PSTPIP2: variants seen among roughly 807,000 people sequenced by gnomAD.
PSTPIP2 encodes proline-serine-threonine phosphatase-interacting protein 2.
PSTPIP2 carries 33 observed loss-of-function variants against 63.3 expected under a neutral mutation model. That is an observed-to-expected ratio of 0.52 (90% CI 0.40 to 0.70). The LOEUF is 0.70. PSTPIP2 is among the 30% of genes least tolerant of loss of function. The pLI, the probability that PSTPIP2 is intolerant of heterozygous loss-of-function variation, is 0.00. For missense variants in PSTPIP2, 312 were observed against 400.7 expected (o/e 0.78, Z 1.89); for synonymous variants, 125 against 132.7 (o/e 0.94, Z 0.40).
At chr18:46,069,842 A>G (rs1222236125) in intron 1 of PSTPIP2, among the ~76,000 whole-genome samples, 1 of 152,032 alleles carries the variant, frequency 6.6e-6, no homozygotes, top group African/African-American at 2.4e-5. Context: ...CTCCTCCATC[A>G]ATAGAGGCAT....
chr18:46,063,578 G>A (rs1193484872), intron 1 of PSTPIP2, among the ~76,000 whole-genome samples: 1 of 151,742 alleles, frequency 6.6e-6, no homozygotes, highest in Non-Finnish European at 1.5e-5. Context: ...GCCTCTCACT[G>A]TGTCATGCCT....
intron 6 of PSTPIP2, among the ~76,000 whole-genome samples, chr18:46,003,349 T>C (rs956321860): frequency 6.6e-6 from 1 of 152,194 alleles, no homozygotes; most frequent in African/African-American, 2.4e-5. Flanking sequence ...CTATTTGTTC[T>C]CTGTTGCCAC....
intron 5 of PSTPIP2, among the ~76,000 whole-genome samples, chr18:46,007,278 A>C (rs1045451279): frequency 7.9e-5 from 12 of 152,264 alleles, no homozygotes; most frequent in Non-Finnish European, 1.0e-4. Flanking sequence ...TGTGGAGTAC[A>C]TGAAATTCCC....
At position 46,005,414 on chromosome 18, in the gene PSTPIP2, A is replaced by G; in HGVS notation, c.417+55T>C. 2.1e-6 allele frequency: 3 copies of G among 1,397,678 alleles called. No homozygotes were observed. The South Asian group carries it at 3.6e-5, about 17-fold the overall frequency. 86.6% of individuals were successfully genotyped at this position (1,397,678 alleles called of 1,614,324 possible). ...GTAGGAATATGTTCATACACAGCAC[A>G]GGATTTCAGAAAATGTCACCATTAT... is the stretch of plus-strand genomic sequence containing the variant. On this transcript the variant is annotated intron_variant, in intron 6 of 14. Coordinates refer to ENST00000409746, the MANE Select transcript of PSTPIP2 (RefSeq NM_024430.4).
At chr18:46,040,998 T>G (rs549842013) in intron 1 of PSTPIP2, 157 of 457,710 alleles carry the variant, frequency 3.4e-4, no homozygotes, top group South Asian at 2.2e-3. Flanking sequence ...TGTAACCTGG[T>G]GCTATAAAAT....
intron 9 of PSTPIP2, among the ~76,000 whole-genome samples, chr18:45,996,647 C>T (rs1255114184): frequency 6.6e-6 from 1 of 151,862 alleles, no homozygotes. Context: ...AGAAAACCCT[C>T]CAGCCAGGCA....
intron 14 of PSTPIP2, among the ~76,000 whole-genome samples, chr18:45,986,409 G>A (rs1301509124): frequency 1.3e-5 from 2 of 152,098 alleles, no homozygotes; most frequent in South Asian, 2.1e-4. Context: ...GGGTCAAGTG[G>A]TACTATTAAG....
Position 46,024,595 on chromosome 18 carries a change from A to T in PSTPIP2, c.212+14T>A, listed in dbSNP as rs1485892545. The stretch of plus-strand genomic sequence containing the variant: ...TTAACCAACCTGGAAACCAGAAAAA[A>T]ACTTGATACATACTTGATTTCAGAC... On this transcript the variant is annotated intron_variant, in intron 3 of 14. Transcript: ENST00000409746. 1 of 1,610,586 alleles carries T rather than the reference A, an allele frequency of 6.2e-7. No individual in the cohort carries two copies. Among genetic ancestry groups the T allele is most frequent in the South Asian group, 1.1e-5 (1 of 90,954 alleles).
rs2051455730 is a variant in PSTPIP2, at chr18:45,985,262, T to C, written c.*197A>G. The C allele has an allele frequency of 1.5e-6, 1 of 679,266 alleles. No homozygotes were observed. Among genetic ancestry groups the C allele is most frequent in the Admixed American group, 3.5e-5 (1 of 28,908 alleles). The allele number at this position is 679,266 out of a possible 1,614,324, so 42.1% of individuals were successfully genotyped here. A position where few individuals can be genotyped will look rare whatever the true frequency, so the allele number is the denominator to read the frequency against. ...CTTCAGAATGGGGCAATTTGTAAAC[T>C]TCAAAAAACTGCAGAACTCTACTTG... On this transcript the variant is annotated 3_prime_UTR_variant, in exon 15 of 15. Transcript: ENST00000409746.
chr18:46,012,809 G>T (rs986471302), intron 4 of PSTPIP2, among the ~76,000 whole-genome samples: 1 of 152,012 alleles, frequency 6.6e-6, no homozygotes, highest in African/African-American at 2.4e-5. Context: ...CACAGAGAAA[G>T]GTCTGGAAAT....
chr18:45,987,074 A>G (rs1314525670), intron 14 of PSTPIP2, among the ~76,000 whole-genome samples: 1 of 152,188 alleles, frequency 6.6e-6, no homozygotes, highest in African/African-American at 2.4e-5. Flanking sequence ...GCTGGTCTCA[A>G]GTGATCCACC....
intron 1 of PSTPIP2, among the ~76,000 whole-genome samples, chr18:46,047,923 G>A (rs1362168855): frequency 1.3e-5 from 2 of 152,116 alleles, no homozygotes; most frequent in African/African-American, 4.8e-5. Context: ...TATAAAGGGG[G>A]AATCAGTAAT....
At chr18:46,043,763 CA>C (rs1287222542) in intron 1 of PSTPIP2, among the ~76,000 whole-genome samples, 1 of 151,474 alleles carries the variant, frequency 6.6e-6, no homozygotes, top group Non-Finnish European at 1.5e-5. Flanking sequence ...AAGAAGTTTA[CA>C]AAAAAGTTAC....
intron 3 of PSTPIP2, among the ~76,000 whole-genome samples, chr18:46,019,939 C>CAACTGG (rs1907285553): frequency 6.6e-6 from 1 of 152,180 alleles, no homozygotes; most frequent in Non-Finnish European, 1.5e-5. Context: ...ATAGGAGATA[C>CAACTGG]AACTGGAATT....
intron 4 of PSTPIP2, among the ~76,000 whole-genome samples, chr18:46,012,278 A>G (rs1429168543): frequency 1.3e-5 from 2 of 152,328 alleles, no homozygotes; most frequent in East Asian, 3.9e-4. Flanking sequence ...GGGAAAAAAA[A>G]AACAGCACAA....
chr18:45,998,859 A>G lies in PSTPIP2; in HGVS notation c.517-20T>C. The G allele has an allele frequency of 6.2e-7, 1 of 1,613,746 alleles. No homozygotes were observed. Among genetic ancestry groups the G allele is most frequent in the Non-Finnish European group, 8.5e-7 (1 of 1,179,984 alleles). Reference sequence around the variant, plus strand: ...AAAAAGCTGTGAAAACAAACAAACAAACAAAAAAAGAGCAAGCATTGGGAA... The same window carrying G: ...AAAAAGCTGTGAAAACAAACAAACAGACAAAAAAAGAGCAAGCATTGGGAA... On this transcript the variant is annotated intron_variant, in intron 7 of 14. Transcript: ENST00000409746.
At chr18:46,005,697 T>C (rs927828244) in intron 5 of PSTPIP2, among the ~76,000 whole-genome samples, 166 bp from the exon 6 acceptor site, 2 of 152,196 alleles carry the variant, frequency 1.3e-5, no homozygotes, top group African/African-American at 4.8e-5. Context: ...TAAGCTCTTA[T>C]TCCTAGCTAA....
intron 1 of PSTPIP2, 98 bp downstream of exon 1, chr18:46,072,058 T>C (rs1909413460): frequency 7.2e-7 from 1 of 1,396,662 alleles, no homozygotes; most frequent in Non-Finnish European, 9.4e-7. Context: ...GGTCACCGAG[T>C]GGCGCCGGAG....
chr18:46,028,969 T>A, intron 2 of PSTPIP2: 10 of 1,051,348 alleles, frequency 9.5e-6, no homozygotes, highest in Non-Finnish European at 1.3e-5. Flanking sequence ...TGCTCAGATC[T>A]CATCTGTGCA....
Sources: gnomAD v4.1 joint callset for allele counts (sites outside exome capture counted in the v4.1 genomes callset) on GRCh38, gnomAD v4.1.1 for gene constraint, MANE v1.5 for transcripts, NCBI Gene and HGNC (gene_info 2026-07-23, HGNC 2026-07-21) for gene names.